SEM1: variants seen among roughly 807,000 people sequenced by gnomAD.
SEM1 encodes 26S proteasome complex subunit SEM1.
Under a neutral mutation model 12.7 loss-of-function variants are expected in SEM1, and 3 were observed. That is an observed-to-expected ratio of 0.24 (90% CI 0.11 to 0.61). SEM1 has a LOEUF of 0.61. SEM1 is among the 20% of genes least tolerant of loss of function. The pLI is 0.88. For synonymous variants in SEM1, 30 were observed against 27.8 expected (o/e 1.08, Z -0.25); for missense variants, 59 against 81.3 (o/e 0.73, Z 1.06).
At position 96,533,696 on chromosome 7, in the gene SEM1, G is replaced by A. The variant is rs1324279409; in HGVS notation, c.171-26998C>T. On this transcript the variant is annotated intron_variant and NMD_transcript_variant, in intron 2 of 3. Transcript: ENST00000466986. The stretch of plus-strand genomic sequence containing the variant: ...CAAAGTCCCTGGAGTCCTCTGGGGG[G>A]TCCCTAAGATACTTCAAAGAGGCCA... Among the ~76,000 whole-genome samples the A allele has an allele frequency of 2.6e-5, 4 of 151,920 alleles. 1 individual carries two copies. The highest frequency in any genetic ancestry group is 5.9e-5 in the Non-Finnish European group (4 of 67,950).
chr7:96,621,127 T>A (rs1807879975), downstream of SEM1, among the ~76,000 whole-genome samples: 1 of 152,158 alleles, frequency 6.6e-6, no homozygotes, highest in Non-Finnish European at 1.5e-5. Context: ...ATTGTTAAAA[T>A]TAAGAAAATA....
At chr7:96,659,925 A>C (rs539896446) in intron 2 of SEM1, among the ~76,000 whole-genome samples, 26 of 148,848 alleles carry the variant, frequency 1.7e-4, no homozygotes, top group East Asian at 1.2e-3. Context: ...AAAAAAAAAA[A>C]AAAAACAAAA....
chr7:96,650,121 G>T (rs1254148884), intron 2 of SEM1: 1 of 184,254 alleles, frequency 5.4e-6, no homozygotes, highest in Non-Finnish European at 1.1e-5. Context: ...TTTCAACACA[G>T]GAAGTCTCAG....
intron 1 of SEM1, among the ~76,000 whole-genome samples, chr7:96,700,889 T>C (rs1435953230): frequency 6.6e-6 from 1 of 152,204 alleles, no homozygotes; most frequent in Non-Finnish European, 1.5e-5. Flanking sequence ...AAATAATGTA[T>C]GTTACTATTT....
intron 1 of SEM1, among the ~76,000 whole-genome samples, chr7:96,705,323 A>G (rs1423945772): frequency 2.0e-5 from 3 of 150,454 alleles, no homozygotes; most frequent in Non-Finnish European, 4.4e-5. Flanking sequence ...AGGCAAACTC[A>G]ATTTCATTCT....
At chr7:96,570,316 G>A (rs1204436167) in intron 2 of SEM1, among the ~76,000 whole-genome samples, 1 of 151,788 alleles carries the variant, frequency 6.6e-6, no homozygotes, top group Non-Finnish European at 1.5e-5. Context: ...CTCTAAATTA[G>A]GTATTCCTCC....
intron 2 of SEM1, among the ~76,000 whole-genome samples, chr7:96,569,054 G>A (rs983972768): frequency 6.6e-6 from 1 of 151,882 alleles, no homozygotes; most frequent in African/African-American, 2.4e-5. Context: ...AGTATTAGCT[G>A]TCTATTTCAG....
intron 2 of SEM1, among the ~76,000 whole-genome samples, chr7:96,553,984 T>C (rs1805387457): frequency 3.3e-5 from 5 of 151,832 alleles, no homozygotes; most frequent in Admixed American, 3.3e-4. Context: ...ACTCATGATT[T>C]GGTTCTCTGT....
chr7:96,704,668 C>T (rs747097561), intron 1 of SEM1, among the ~76,000 whole-genome samples: 1 of 152,100 alleles, frequency 6.6e-6, no homozygotes, highest in Non-Finnish European at 1.5e-5. Context: ...TTCTTGCTAC[C>T]ACCATGTAAC....
chr7:96,648,492 C>T (rs1808871847), intron 2 of SEM1, among the ~76,000 whole-genome samples: 1 of 152,176 alleles, frequency 6.6e-6, no homozygotes, highest in African/African-American at 2.4e-5. Context: ...AGGGAATATC[C>T]TTTCATTCAA....
intron 1 of SEM1, chr7:96,697,331 T>G (rs1349821388): frequency 6.6e-6 from 1 of 151,896 alleles, no homozygotes; most frequent in Admixed American, 6.6e-5. Context: ...TGACTAGCTT[T>G]AAATTTAAAA....
intron 2 of SEM1, among the ~76,000 whole-genome samples, chr7:96,599,724 TC>T (rs2116183234): frequency 6.6e-6 from 1 of 152,230 alleles, no homozygotes; most frequent in East Asian, 1.9e-4. Context: ...CCCACACGCA[TC>T]CTGGGGTCAG....
downstream of SEM1, among the ~76,000 whole-genome samples, chr7:96,683,815 G>T (rs931887800): frequency 3.3e-5 from 5 of 152,136 alleles, no homozygotes; most frequent in African/African-American, 1.2e-4. Flanking sequence ...TCACTCATAA[G>T]TGGAAGTTGA....
At chr7:96,501,466 T>A (rs1028930279) in intron 3 of SEM1, among the ~76,000 whole-genome samples, 1 of 152,128 alleles carries the variant, frequency 6.6e-6, no homozygotes, top group African/African-American at 2.4e-5. Flanking sequence ...CCAATCTTTT[T>A]TGATTAATCA....
At chr7:96,580,777 A>G (rs1178332841) in intron 2 of SEM1, among the ~76,000 whole-genome samples, 1 of 152,056 alleles carries the variant, frequency 6.6e-6, no homozygotes, top group Admixed American at 6.6e-5. Context: ...TCTTTTGAGA[A>G]GTGTCTGTTC....
intron 2 of SEM1, among the ~76,000 whole-genome samples, chr7:96,539,023 A>T (rs949238679): frequency 4.0e-5 from 6 of 151,804 alleles, no homozygotes; most frequent in Non-Finnish European, 2.9e-5. Flanking sequence ...GGTTTCCTTC[A>T]TGTTAGCAGA....
intron 2 of SEM1, among the ~76,000 whole-genome samples, chr7:96,541,443 G>GTTTTTTTTTTTTTTT (rs61049763): frequency 8.8e-5 from 9 of 102,392 alleles, no homozygotes; most frequent in East Asian, 6.3e-4. Flanking sequence ...TTTTTTTTTT[G>GTTTTTTTTTTTTTTT]TTTTTTTTTT....
intron 2 of SEM1, among the ~76,000 whole-genome samples, chr7:96,648,658 T>C (rs1808875953): frequency 6.6e-6 from 1 of 152,178 alleles, no homozygotes; most frequent in Non-Finnish European, 1.5e-5. Flanking sequence ...TTAGGAGGTA[T>C]AGAGCCGAAG....
intron 2 of SEM1, among the ~76,000 whole-genome samples, chr7:96,570,510 G>T (rs1177776404): frequency 6.6e-6 from 1 of 152,070 alleles, no homozygotes; most frequent in East Asian, 1.9e-4. Context: ...TCATGTCCCT[G>T]CAAAGGACAT....
Sources: allele counts gnomAD v4.1 joint callset (sites outside exome capture counted in the v4.1 genomes callset), GRCh38; gene constraint gnomAD v4.1.1; transcripts MANE v1.5; gene names NCBI Gene and HGNC (gene_info 2026-07-23, HGNC 2026-07-21).